Variants in RPRD2 observed in about 807,000 individuals in gnomAD.
The protein encoded by RPRD2 is regulation of nuclear pre-mRNA domain containing 2.
A neutral mutation model predicts 104.4 loss-of-function variants in RPRD2; 12 were observed. The ratio of observed to expected loss-of-function variants is 0.11; its 90% CI spans 0.07 to 0.19. The LOEUF (loss-of-function observed/expected upper bound fraction) is 0.19, where lower values mean the gene tolerates loss of function less well. Ranked by LOEUF, RPRD2 falls within the 10% of genes least tolerant of loss-of-function variation. RPRD2 has a pLI of 1.00. For synonymous variants in RPRD2, 714 were observed against 684.9 expected, an observed-to-expected ratio of 1.04 and a Z score of -0.66; for missense variants, 1,543 against 1,790.1, an observed-to-expected ratio of 0.86 and a Z score of 2.49.
intron 1 of RPRD2, among the ~76,000 whole-genome samples, chr1:150,409,400 T>C (rs1157399550): frequency 2.0e-5 from 3 of 152,038 alleles, no homozygotes; most frequent in African/African-American, 4.8e-5. Flanking sequence ...TTCCTTCTCT[T>C]TTTTTTTCCT....
intron 1 of RPRD2, among the ~76,000 whole-genome samples, chr1:150,408,209 G>C (rs984824339): frequency 5.6e-5 from 7 of 124,550 alleles, no homozygotes; most frequent in Non-Finnish European, 1.1e-4. Context: ...CTGTCGTCCA[G>C]GCTGGAGTGC....
Position 150,475,781 on chromosome 1 carries a change from G to A in RPRD2, c.*2447G>A, listed in dbSNP as rs958574954. The A allele has an allele frequency of 3.3e-5, 5 of 152,354 alleles. No individual in the cohort carries two copies. The highest frequency in any genetic ancestry group is 1.3e-4 in the Admixed American group (2 of 15,264). The allele number at this position is 152,354 out of a possible 1,614,324, so 9.4% of individuals were successfully genotyped here. The stretch of plus-strand genomic sequence containing the variant: ...GGTATTCATAACGTGAAAGAAAGGG[G>A]TTTTATTCTTTCTGTGTCTGTGATT... On this transcript the variant is annotated 3_prime_UTR_variant, in exon 11 of 11. Transcript: ENST00000369068.
chr1:150,407,375 G>T (rs76176241), intron 1 of RPRD2, among the ~76,000 whole-genome samples: 7,206 of 152,156 alleles, frequency 0.047, 431 homozygotes, highest in African/African-American at 0.13. Flanking sequence ...AGCACCATTT[G>T]TTCAGTGTTT....
chr1:150,431,590 C>T (rs1466986052), intron 2 of RPRD2, among the ~76,000 whole-genome samples: 1 of 149,124 alleles, frequency 6.7e-6, no homozygotes, highest in Non-Finnish European at 1.5e-5. Context: ...AAGCAATTCT[C>T]CTGCCTCAGC....
intron 1 of RPRD2, among the ~76,000 whole-genome samples, chr1:150,413,416 C>T (rs1200113264): frequency 6.6e-6 from 1 of 152,044 alleles, no homozygotes; most frequent in Non-Finnish European, 1.5e-5. Context: ...GGCTGGCCAA[C>T]ATGAAGAAAC....
chr1:150,439,664 G>T, intron 2 of RPRD2, among the ~76,000 whole-genome samples: 3 of 138,232 alleles, frequency 2.2e-5, no homozygotes, highest in South Asian at 2.2e-4. Context: ...CATATGGTTT[G>T]GTGGATTCAC....
Position 150,419,698 on chromosome 1 carries a change from C to T in RPRD2, c.335+1973C>T, listed in dbSNP as rs188420958. Among the ~76,000 whole-genome samples the T allele has an allele frequency of 2.4e-3, 368 of 152,144 alleles. 2 individuals are homozygous for T. The highest frequency in any genetic ancestry group is 4.0e-3 in the Non-Finnish European group (270 of 67,978). On this transcript the variant is annotated intron_variant, in intron 2 of 10. Coordinates refer to ENST00000369068, the MANE Select transcript of RPRD2 (RefSeq NM_015203.5). ...GTGCAGTGGCACAATCTCGGCTTAC[C>T]GCAACCTCCGCCTCCTGGGTTCAAG...
intron 2 of RPRD2, among the ~76,000 whole-genome samples, chr1:150,436,002 A>G (rs1665963953): frequency 6.6e-6 from 1 of 152,182 alleles, no homozygotes; most frequent in African/African-American, 2.4e-5. Context: ...GGCTGTTAAA[A>G]ATTATGCTAA....
In RPRD2 at chr1:150,472,998, G is replaced by T; in HGVS notation, c.4050G>T (p.Gly1350=). 1.9e-6 allele frequency: 3 copies of T among 1,613,998 alleles called. 1 individual carries two copies. The South Asian group carries it at 3.3e-5, about 18-fold the overall frequency. ...FGVLPGPRDH[G]GPTQRDLNGP... ...TACTCCCAGGACCCAGGGACCACGGGGGCCCCACCCAACGGGACCTCAACG... is the reference window on the plus strand; with the variant it reads ...TACTCCCAGGACCCAGGGACCACGGTGGCCCCACCCAACGGGACCTCAACG... The change falls in exon 11 of 11, where the codon GGG becomes GGT. Residue 1350 remains glycine (G), a synonymous_variant. Transcript: ENST00000369068.
intron 10 of RPRD2, 105 bp from the exon 11 acceptor site, chr1:150,470,456 T>C: frequency 8.3e-7 from 1 of 1,208,818 alleles, no homozygotes; most frequent in Non-Finnish European, 1.1e-6. Context: ...ACTTTGTCTA[T>C]CTGGTTCCCA....
intron 1 of RPRD2, among the ~76,000 whole-genome samples, chr1:150,371,669 G>A (rs1660307292): frequency 6.6e-6 from 1 of 152,290 alleles, no homozygotes; most frequent in African/African-American, 2.4e-5. Context: ...GTGCCCGGCT[G>A]TGCCAAGAGG....
chr1:150,466,619 T>G (rs150519012), intron 10 of RPRD2, among the ~76,000 whole-genome samples: 20 of 152,016 alleles, frequency 1.3e-4, no homozygotes, highest in African/African-American at 4.8e-4. Context: ...GGCTTCATTA[T>G]TTATTATTTT....
chr1:150,372,914 T>G (rs1436634302), intron 1 of RPRD2, among the ~76,000 whole-genome samples: 1 of 151,744 alleles, frequency 6.6e-6, no homozygotes, highest in Admixed American at 6.6e-5. Context: ...TGGGGAGGGG[T>G]GAAATGGGAT....
intron 1 of RPRD2, among the ~76,000 whole-genome samples, chr1:150,409,442 G>A (rs1002692790): frequency 6.6e-6 from 1 of 151,200 alleles, no homozygotes; most frequent in Non-Finnish European, 1.5e-5. Context: ...GTTACTGAAC[G>A]CCAACTAAGT....
rs587747286 is a variant in RPRD2 at position 150,475,662 on chromosome 1, T to C, written c.*2328T>C. On this transcript the variant is annotated 3_prime_UTR_variant, in exon 11 of 11. Coordinates refer to ENST00000369068, the MANE Select transcript of RPRD2 (RefSeq NM_015203.5). ...TTTGTATGAGACTGTCAGCTATTAA[T>C]TTTAAGGAAATCTTAAAATTTACAT... The C allele has an allele frequency of 6.5e-6, 1 of 152,754 alleles. No homozygotes were observed. Among genetic ancestry groups the C allele is most frequent in the South Asian group, 2.1e-4 (1 of 4,830 alleles). The allele number at this position is 152,754 out of a possible 1,614,324, so 9.5% of individuals were successfully genotyped here. A position where few individuals can be genotyped will look rare whatever the true frequency, so the allele number is the denominator to read the frequency against.
chr1:150,382,814 T>TC (rs1194492035), intron 1 of RPRD2, among the ~76,000 whole-genome samples: 1 of 152,028 alleles, frequency 6.6e-6, no homozygotes, highest in African/African-American at 2.4e-5. Flanking sequence ...GCCACTGAAC[T>TC]CCAGCCTGGT....
intron 10 of RPRD2, 38 bp from the exon 11 acceptor site, chr1:150,470,523 G>A: frequency 6.3e-7 from 1 of 1,585,986 alleles, no homozygotes; most frequent in Non-Finnish European, 8.6e-7. Flanking sequence ...ATGATAGGGA[G>A]TTGTTCTTTT....
intron 4 of RPRD2, 49 bp from the exon 5 acceptor site, chr1:150,443,178 TAGTC>T: frequency 7.2e-7 from 1 of 1,393,698 alleles, no homozygotes; most frequent in Non-Finnish European, 9.9e-7. Context: ...TTTTTCCTGT[TAGTC>T]AACTTTTTGT....
intron 1 of RPRD2, among the ~76,000 whole-genome samples, chr1:150,400,696 C>T (rs1553885157): frequency 6.6e-6 from 1 of 151,702 alleles, no homozygotes; most frequent in African/African-American, 2.4e-5. Flanking sequence ...TGAGGGTGAA[C>T]ATTCTTCCTT....
Sources: gnomAD v4.1 joint callset for allele counts (sites outside exome capture counted in the v4.1 genomes callset) on GRCh38, gnomAD v4.1.1 for gene constraint, MANE v1.5 for transcripts, NCBI Gene and HGNC (gene_info 2026-07-23, HGNC 2026-07-21) for gene names.